The following CSRP1 variants were observed in gnomAD, a reference collection of about 807,000 sequenced individuals.
CSRP1 encodes cysteine and glycine rich protein 1.
In CSRP1, 16 loss-of-function variants were observed where a neutral mutation model predicts 25.4. The ratio of observed to expected loss-of-function variants is 0.63; its 90% confidence interval spans 0.43 to 0.96. The LOEUF is 0.96. Ranked by LOEUF, CSRP1 falls within the 40% of genes least tolerant of loss-of-function variation. CSRP1 has a pLI of 0.00. For missense variants in CSRP1, 212 were observed against 243.6 expected (o/e 0.87, Z 0.86); for synonymous variants, 97 against 95.3 (o/e 1.02, Z -0.10).
chr1:201,498,233 G>A (rs371591666), intron 1 of CSRP1, among the ~76,000 whole-genome samples: 270 of 152,276 alleles, frequency 1.8e-3, no homozygotes, highest in South Asian at 9.1e-3. Flanking sequence ...CATTTCACTC[G>A]CTCACTCAAC....
intron 5 of CSRP1, 25 bp downstream of exon 5, chr1:201,485,258 C>T (rs770427795): frequency 6.2e-7 from 1 of 1,612,026 alleles, no homozygotes; most frequent in East Asian, 2.2e-5. Flanking sequence ...CCTCCTGACC[C>T]TCAATTAGAA....
Position 201,484,304 on chromosome 1 carries a change from A to G in CSRP1, c.*409T>C. 2.0e-6 allele frequency: 1 copy of G among 507,850 alleles called. No individual in the cohort carries two copies. Among genetic ancestry groups the G allele is most frequent in the Non-Finnish European group, 3.5e-6 (1 of 283,468 alleles). The allele number at this position is 507,850 out of a possible 1,614,324, so 31.5% of individuals were successfully genotyped here. A position where few individuals can be genotyped will look rare whatever the true frequency, so the allele number is the denominator to read the frequency against. ...AAAAACCCAGCCTTCCCCCCTCCTC[A>G]TCTTGGTCTTGCTTCCCTCTCCCTC... On this transcript the variant is annotated 3_prime_UTR_variant, in exon 6 of 6. Coordinates refer to ENST00000340006, the MANE Select transcript of CSRP1 (RefSeq NM_004078.3).
chr1:201,485,648 G>C, intron 4 of CSRP1: 1 of 461,830 alleles, frequency 2.2e-6, no homozygotes, highest in South Asian at 2.8e-5. Flanking sequence ...CAGGTGAGGG[G>C]GTGGGTTTAA....
chr1:201,496,932 G>T (rs1288564213), intron 1 of CSRP1, among the ~76,000 whole-genome samples: 1 of 152,224 alleles, frequency 6.6e-6, no homozygotes, highest in East Asian at 1.9e-4. Context: ...TTAACTCAGG[G>T]TGGTTGTCAT....
chr1:201,491,033 T>G (rs1427006856), intron 2 of CSRP1: 2 of 151,830 alleles, frequency 1.3e-5, no homozygotes, highest in South Asian at 4.2e-4. Flanking sequence ...TAAGAGAGAG[T>G]GGAACGGAAG....
chr1:201,489,034 T>C, intron 3 of CSRP1, 50 bp from the exon 4 acceptor site: 1 of 1,608,322 alleles, frequency 6.2e-7, no homozygotes, highest in Non-Finnish European at 8.5e-7. Context: ...TAAGTACAGG[T>C]GGGGCTGGCA....
intron 2 of CSRP1, chr1:201,491,772 A>G (rs1664345271): frequency 6.6e-6 from 1 of 152,204 alleles, no homozygotes; most frequent in Non-Finnish European, 1.5e-5. Context: ...GCATCCTCAA[A>G]CATGTCCTGA....
At chr1:201,492,984 G>A (rs947549785) in intron 2 of CSRP1, 2 of 152,396 alleles carry the variant, frequency 1.3e-5, no homozygotes, top group African/African-American at 4.8e-5. Context: ...GTGGGGCCCT[G>A]TTCCATCGGC....
At position 201,484,767 on chromosome 1, in the gene CSRP1, C is replaced by G; in HGVS notation, c.528G>C (p.Gly176=). 2 of 1,611,992 alleles carry G rather than the reference C, an allele frequency of 1.2e-6. No homozygotes were observed. The highest frequency in any genetic ancestry group is 1.7e-6 in the Non-Finnish European group (2 of 1,179,702). Residue 176 remains glycine (G), a synonymous_variant, in exon 6 of 6, where the codon GGG becomes GGC. Transcript: ENST00000340006. ...YCKGCYAKNF[G]PKGFGFGQGA... is the part of the protein sequence containing the mutation. ...CTTGCCCAAAACCAAAGCCCTTGGG[C>G]CCGAAGTTTTTAGCATAACATCCTG...
chr1:201,488,469 A>G (rs1378187485), intron 4 of CSRP1: 1 of 154,508 alleles, frequency 6.5e-6, no homozygotes, highest in Non-Finnish European at 1.4e-5. Context: ...AAAATTTAAT[A>G]AAAGCTATGG....
rs566268433 is a variant in CSRP1, at chr1:201,489,508, G to A, written c.282-524C>T. 58 of 162,450 alleles carry A rather than the reference G, an allele frequency of 3.6e-4. 1 individual carries two copies. The highest frequency in any genetic ancestry group is 8.4e-4 in the African/African-American group (35 of 41,728). The allele number at this position is 162,450 out of a possible 1,614,324, so 10.1% of individuals were successfully genotyped here. On this transcript the variant is annotated intron_variant, in intron 3 of 5. Transcript: ENST00000340006. The stretch of plus-strand genomic sequence containing the variant: ...GGCTGATGACACCCTATGGCATTTC[G>A]AAGAAAGGGAAATGACTTCTTCTCA...
chr1:201,489,916 C>T (rs1664275781), intron 3 of CSRP1: 3 of 378,598 alleles, frequency 7.9e-6, no homozygotes, highest in South Asian at 9.0e-5. Context: ...ATTCTTGGGG[C>T]CCCTCCCAGC....
intron 1 of CSRP1, among the ~76,000 whole-genome samples, chr1:201,497,760 C>T (rs1293423116): frequency 6.6e-6 from 1 of 152,202 alleles, no homozygotes; most frequent in East Asian, 1.9e-4. Flanking sequence ...GCCTGTAATC[C>T]CAGCACTTTG....
At chr1:201,485,434 C>T in intron 4 of CSRP1, 58 bp from the exon 5 acceptor site, 1 of 1,469,350 alleles carries the variant, frequency 6.8e-7, no homozygotes, top group Non-Finnish European at 9.5e-7. Flanking sequence ...ACCCTCCACC[C>T]CAGGCCCACT....
chr1:201,495,364 G>A (rs1246414919), intron 2 of CSRP1, among the ~76,000 whole-genome samples: 1 of 152,216 alleles, frequency 6.6e-6, no homozygotes, highest in African/African-American at 2.4e-5. Context: ...CTGGGTGACA[G>A]AGTGAGACTC....
intron 4 of CSRP1, chr1:201,486,802 CAA>C (rs1664160074): frequency 9.5e-7 from 1 of 1,056,682 alleles, no homozygotes; most frequent in Non-Finnish European, 1.2e-6. Flanking sequence ...CACTTGAATG[CAA>C]AATTCTCTTA....
chr1:201,504,179 C>T (rs1299449142), intron 1 of CSRP1, among the ~76,000 whole-genome samples: 1 of 152,198 alleles, frequency 6.6e-6, no homozygotes, highest in Non-Finnish European at 1.5e-5. Context: ...TGGAAACAGT[C>T]AGCTTATGTT....
In CSRP1 at chr1:201,484,666, C is replaced by T. The variant is rs769110838; in HGVS notation, c.*47G>A. ...TCCAAAGCTGCTGGGAATGGAATGGCGATGAAAAGCGCAGGAGTGGGCAGG... is the reference window on the plus strand; with the variant it reads ...TCCAAAGCTGCTGGGAATGGAATGGTGATGAAAAGCGCAGGAGTGGGCAGG... On this transcript the variant is annotated 3_prime_UTR_variant, in exon 6 of 6. Coordinates refer to ENST00000340006, the MANE Select transcript of CSRP1 (RefSeq NM_004078.3). 4.5e-5 allele frequency: 68 copies of T among 1,524,372 alleles called. No homozygotes were observed. The highest frequency in any genetic ancestry group is 5.7e-5 in the Non-Finnish European group (63 of 1,111,018). The allele number at this position is 1,524,372 out of a possible 1,614,324, so 94.4% of individuals were successfully genotyped here.
At chr1:201,488,812 AGATATC>A (rs762396649) in intron 4 of CSRP1, 37 bp downstream of exon 4, 32 of 1,602,620 alleles carry the variant, frequency 2.0e-5, no homozygotes, top group Non-Finnish European at 2.4e-5. Flanking sequence ...CATTTCAGGA[AGATATC>A]TCCCCCCATC....
Sources: allele counts gnomAD v4.1 joint callset (sites outside exome capture counted in the v4.1 genomes callset), GRCh38; gene constraint gnomAD v4.1.1; transcripts MANE v1.5; gene names NCBI Gene and HGNC (gene_info 2026-07-23, HGNC 2026-07-21).